The following GLDC variants were observed in gnomAD, a reference collection of about 807,000 sequenced individuals.
GLDC encodes the protein glycine dehydrogenase (decarboxylating), mitochondrial.
In GLDC, 104 loss-of-function variants were observed where a neutral mutation model predicts 121.3. The ratio of observed to expected loss-of-function variants is 0.86; its 90% CI spans 0.73 to 1.01. The LOEUF (loss-of-function observed/expected upper bound fraction) is 1.01. Among genes scored for constraint, GLDC ranks in the 50% least tolerant of loss-of-function variants. GLDC has a pLI of 0.00. For missense variants in GLDC, 1,429 were observed against 1,306.6 expected, an observed-to-expected ratio of 1.09 and a Z score of -1.44; for synonymous variants, 546 against 480.6, an observed-to-expected ratio of 1.14 and a Z score of -1.78.
chr9:6,640,384 G>T (rs1449753665), intron 2 of GLDC, among the ~76,000 whole-genome samples: 1 of 152,232 alleles, frequency 6.6e-6, no homozygotes, highest in Non-Finnish European at 1.5e-5. Flanking sequence ...AAGACAAGTC[G>T]TGGCCTCGGC....
At chr9:6,605,743 G>T in intron 5 of GLDC, 1 of 238,620 alleles carries the variant, frequency 4.2e-6, no homozygotes, top group South Asian at 6.3e-5. Flanking sequence ...TATGGGTAGG[G>T]GGAAGAATGC....
chr9:6,564,657 G>A (rs771682582), intron 16 of GLDC, among the ~76,000 whole-genome samples: 7 of 152,196 alleles, frequency 4.6e-5, no homozygotes, highest in Non-Finnish European at 1.0e-4. Context: ...TCAAAATGAA[G>A]GAACCAGGAA....
intron 3 of GLDC, among the ~76,000 whole-genome samples, chr9:6,619,917 G>A (rs1016312960): frequency 6.6e-5 from 10 of 152,218 alleles, no homozygotes; most frequent in African/African-American, 2.2e-4. Flanking sequence ...AAATTAAGCT[G>A]CAGAAGAGGA....
intron 23 of GLDC, 114 bp downstream of exon 23, chr9:6,535,950 A>G (rs1007331233): frequency 6.5e-6 from 6 of 918,920 alleles, no homozygotes; most frequent in Non-Finnish European, 1.1e-5. Flanking sequence ...GAATTACCTT[A>G]TTCTAGGGAA....
At chr9:6,536,421 A>T (rs1817131922) in intron 22 of GLDC, among the ~76,000 whole-genome samples, 185 bp from the exon 23 acceptor site, 1 of 152,238 alleles carries the variant, frequency 6.6e-6, no homozygotes, top group Non-Finnish European at 1.5e-5. Flanking sequence ...ACAACCTAAT[A>T]TCCAACAATG....
Position 6,645,422 on chromosome 9 carries a change from C to G in GLDC, c.78G>C (p.Ser26=), listed in dbSNP as rs915226152. Residue 26 remains serine (S), a synonymous_variant, in exon 1 of 25, where the codon TCG becomes TCC. Transcript: ENST00000321612. ...GGCTCCGCGGCGCCCAGCACGGCCCCGATCCCCCAGCCAGGCGGCGGCCGC... is the reference window on the plus strand; with the variant it reads ...GGCTCCGCGGCGCCCAGCACGGCCCGGATCCCCCAGCCAGGCGGCGGCCGC... The part of the protein sequence containing the change: ...VGGGRRLAGG[S]GPCWAPRSRD... 1.8e-4 allele frequency: 245 copies of G among 1,336,974 alleles called. No individual in the cohort carries two copies. The highest frequency in any genetic ancestry group is 4.3e-4 in the Admixed American group (12 of 27,714). 82.8% of individuals were successfully genotyped at this position (1,336,974 alleles called of 1,614,324 possible). A position where few individuals can be genotyped will look rare whatever the true frequency, so the allele number is the denominator to read the frequency against.
At chr9:6,540,433 T>C in intron 21 of GLDC, 2 of 423,008 alleles carry the variant, frequency 4.7e-6, no homozygotes, top group Non-Finnish European at 8.8e-6. Context: ...TTACTGAACA[T>C]ATGACCGGAG....
At chr9:6,569,779 C>A (rs1817919393) in intron 15 of GLDC, among the ~76,000 whole-genome samples, 1 of 152,088 alleles carries the variant, frequency 6.6e-6, no homozygotes, top group Non-Finnish European at 1.5e-5. Context: ...AGATCGAGAC[C>A]AGCCTGGCGA....
chr9:6,535,917 G>T (rs1817116928), intron 23 of GLDC, 147 bp downstream of exon 23: 1 of 762,442 alleles, frequency 1.3e-6, no homozygotes, highest in Non-Finnish European at 2.3e-6. Flanking sequence ...AAACTTCAAA[G>T]TAACAACTGC....
intron 23 of GLDC, among the ~76,000 whole-genome samples, 165 bp from the exon 24 acceptor site, chr9:6,534,953 T>C (rs1441689039): frequency 6.6e-6 from 1 of 152,218 alleles, no homozygotes; most frequent in African/African-American, 2.4e-5. Context: ...TGAAATATTT[T>C]AAATATCAGA....
In GLDC at chr9:6,558,571, G is replaced by C; in HGVS notation, c.2040C>G (p.His680Gln). The change falls in exon 17 of 25, where the codon CAC becomes CAG. Residue 680 changes from histidine (H) to glutamine (Q), a missense_variant. Coordinates refer to ENST00000321612, the MANE Select transcript of GLDC (RefSeq NM_000170.3). Reference sequence around the variant, plus strand: ...AGAAGACAAGTACCATGGCCTTGAGGTGAACTGCATCGATATTCCCATATT... The same window carrying C: ...AGAAGACAAGTACCATGGCCTTGAGCTGAACTGCATCGATATTCCCATATT... ...VDKYGNIDAVHLKAMVDKHKE... is the reference protein window; with the variant it reads ...VDKYGNIDAVQLKAMVDKHKE... 3.1e-6 allele frequency: 5 copies of C among 1,614,172 alleles called. No individual in the cohort carries two copies. The highest frequency in any genetic ancestry group is 4.2e-6 in the Non-Finnish European group (5 of 1,180,040).
chr9:6,564,281 G>C (rs536074885), intron 16 of GLDC, among the ~76,000 whole-genome samples: 1 of 151,604 alleles, frequency 6.6e-6, no homozygotes, highest in South Asian at 2.1e-4. Context: ...CCCCAACCAA[G>C]ATGAAAGCCT....
intron 2 of GLDC, among the ~76,000 whole-genome samples, chr9:6,621,955 G>A (rs965241539): frequency 2.0e-5 from 3 of 152,120 alleles, no homozygotes; most frequent in African/African-American, 4.8e-5. Flanking sequence ...GATCTTCTTG[G>A]GGACTCAGTC....
intron 8 of GLDC, among the ~76,000 whole-genome samples, chr9:6,595,514 G>T (rs1052409495): frequency 2.6e-5 from 4 of 152,088 alleles, no homozygotes; most frequent in Non-Finnish European, 5.9e-5. Flanking sequence ...ACTCAACCAG[G>T]CAATTCTTCA....
intron 4 of GLDC, among the ~76,000 whole-genome samples, chr9:6,609,898 A>G (rs1237705835): frequency 1.3e-5 from 2 of 151,852 alleles, no homozygotes. Context: ...CTTCCTCCCA[A>G]AAATAGTCCC....
intron 2 of GLDC, among the ~76,000 whole-genome samples, chr9:6,624,749 G>T (rs1022931940): frequency 6.6e-6 from 1 of 152,150 alleles, no homozygotes; most frequent in South Asian, 2.1e-4. Flanking sequence ...CACTTTGGGA[G>T]GCTGAGGCAG....
chr9:6,568,221 C>G (rs78943998), intron 15 of GLDC, among the ~76,000 whole-genome samples: 153 of 152,214 alleles, frequency 1.0e-3, no homozygotes, highest in African/African-American at 3.6e-3. Context: ...TGGCCTTAAA[C>G]ATCTATAAAA....
intron 2 of GLDC, among the ~76,000 whole-genome samples, chr9:6,632,777 C>T (rs185047725): frequency 6.6e-6 from 1 of 152,350 alleles, no homozygotes; most frequent in African/African-American, 2.4e-5. Context: ...CTCAACCTCA[C>T]TGAGCTGACT....
At chr9:6,595,409 C>T (rs1310781705) in intron 8 of GLDC, among the ~76,000 whole-genome samples, 3 of 152,148 alleles carry the variant, frequency 2.0e-5, no homozygotes, top group Non-Finnish European at 2.9e-5. Context: ...GCAAAGATCA[C>T]ACTACCATCA....
Sources: gnomAD v4.1 joint callset for allele counts (sites outside exome capture counted in the v4.1 genomes callset) on GRCh38, gnomAD v4.1.1 for gene constraint, MANE v1.5 for transcripts, NCBI Gene and HGNC (gene_info 2026-07-23, HGNC 2026-07-21) for gene names.